The following SDK1 variants were observed in gnomAD, a reference collection of about 807,000 sequenced individuals.
SDK1 encodes protein sidekick-1.
SDK1 carries 157 observed loss-of-function variants against 245.5 expected under a neutral mutation model. The ratio of observed to expected loss-of-function variants is 0.64; its 90% confidence interval spans 0.56 to 0.73. SDK1 has a LOEUF of 0.73. Ranked by LOEUF, SDK1 falls within the 30% of genes least tolerant of loss-of-function variation. The probability of loss-of-function intolerance (pLI) is 0.00; values close to 1 mark genes in which losing one functional copy is unlikely to be tolerated. For missense variants in SDK1, 3,583 were observed against 3,002.3 expected, an observed-to-expected ratio of 1.19 and a Z score of -4.52; for synonymous variants, 1,647 against 1,278.5, an observed-to-expected ratio of 1.29 and a Z score of -6.15.
At chr7:4,035,802 G>T (rs1427759952) in intron 17 of SDK1, among the ~76,000 whole-genome samples, 1 of 152,114 alleles carries the variant, frequency 6.6e-6, no homozygotes, top group African/African-American at 2.4e-5. Flanking sequence ...AGCAAAGACG[G>T]TATGCTATCA....
intron 22 of SDK1, among the ~76,000 whole-genome samples, chr7:4,110,144 G>T (rs1783243869): frequency 6.6e-6 from 1 of 152,162 alleles, no homozygotes; most frequent in African/African-American, 2.4e-5. Context: ...CCTGCCTAAG[G>T]ACCTTCCTTA....
intron 1 of SDK1, among the ~76,000 whole-genome samples, chr7:3,555,062 C>T (rs1779545457): frequency 6.6e-6 from 1 of 152,102 alleles, no homozygotes; most frequent in Admixed American, 6.6e-5. Context: ...ATGAATTCTT[C>T]ACAGAAATAG....
At chr7:3,660,021 A>G (rs1336250851) in intron 4 of SDK1, among the ~76,000 whole-genome samples, 2 of 152,194 alleles carry the variant, frequency 1.3e-5, no homozygotes, top group Non-Finnish European at 2.9e-5. Context: ...GTATCTGGTG[A>G]CAACAATTAA....
At chr7:3,824,890 C>G (rs1051278690) in intron 5 of SDK1, among the ~76,000 whole-genome samples, 2 of 152,134 alleles carry the variant, frequency 1.3e-5, no homozygotes, top group Non-Finnish European at 1.5e-5. Flanking sequence ...CAACATTTCT[C>G]CCCTCTTGCG....
intron 4 of SDK1, among the ~76,000 whole-genome samples, chr7:3,692,464 TTA>T (rs1162650971): frequency 6.6e-6 from 1 of 152,176 alleles, no homozygotes; most frequent in Non-Finnish European, 1.5e-5. Flanking sequence ...AGAGGATTTC[TTA>T]TATTACATAT....
chr7:3,434,335 C>G (rs1209016293), intron 1 of SDK1, among the ~76,000 whole-genome samples: 1 of 152,102 alleles, frequency 6.6e-6, no homozygotes, highest in Non-Finnish European at 1.5e-5. Context: ...CCTTGTTCGC[C>G]TTGGTTTTGG....
intron 5 of SDK1, among the ~76,000 whole-genome samples, chr7:3,925,787 G>A: frequency 6.6e-6 from 1 of 152,190 alleles, no homozygotes; most frequent in Non-Finnish European, 1.5e-5. Context: ...GCTCCAGCCG[G>A]CTGAGAAGAC....
chr7:4,043,223 G>C (rs989741780), intron 17 of SDK1, among the ~76,000 whole-genome samples: 3 of 152,164 alleles, frequency 2.0e-5, no homozygotes, highest in African/African-American at 7.2e-5. Context: ...CAGGTAGAGT[G>C]AGTGTCACAG....
rs376052869 is a variant in SDK1, at chr7:4,268,471, A to G, written c.*3087A>G. On this transcript the variant is annotated 3_prime_UTR_variant, in exon 45 of 45. Transcript: ENST00000404826. ...GCTTTTATAAGGCGCACTTCACTCAATGCTGTAGCCAAAAAACGAGGGGCC... is the reference window on the plus strand; with the variant it reads ...GCTTTTATAAGGCGCACTTCACTCAGTGCTGTAGCCAAAAAACGAGGGGCC... The G allele has an allele frequency of 1.2e-4, 141 of 1,172,598 alleles. No individual in the cohort carries two copies. The East Asian group carries it at 5.4e-3, about 45-fold the overall frequency. 72.6% of individuals were successfully genotyped at this position (1,172,598 alleles called of 1,614,324 possible). A position where few individuals can be genotyped will look rare whatever the true frequency, so the allele number is the denominator to read the frequency against.
chr7:3,944,104 C>G (rs1780480522), intron 5 of SDK1, among the ~76,000 whole-genome samples: 1 of 152,210 alleles, frequency 6.6e-6, no homozygotes, highest in South Asian at 2.1e-4. Flanking sequence ...TTTTGCTTAA[C>G]AGAGCACAAC....
chr7:3,849,479 T>C (rs111394441), intron 5 of SDK1, among the ~76,000 whole-genome samples: 19 of 152,320 alleles, frequency 1.2e-4, no homozygotes, highest in Admixed American at 3.3e-4. Context: ...ATGGATTTAT[T>C]AGTCTTTAGG....
At chr7:3,398,198 C>T (rs1465215463) in intron 1 of SDK1, among the ~76,000 whole-genome samples, 2 of 151,978 alleles carry the variant, frequency 1.3e-5, no homozygotes, top group African/African-American at 4.8e-5. Context: ...TTGCTTTTTT[C>T]TCCTTTATTT....
intron 20 of SDK1, among the ~76,000 whole-genome samples, chr7:4,069,533 G>T (rs962748809): frequency 6.6e-6 from 1 of 152,212 alleles, no homozygotes; most frequent in Non-Finnish European, 1.5e-5. Context: ...TCTCCGCTCC[G>T]TGGTGGCAGC....
At chr7:4,244,878 A>T (rs137918198) in intron 43 of SDK1, among the ~76,000 whole-genome samples, 2 of 152,154 alleles carry the variant, frequency 1.3e-5, no homozygotes, top group Non-Finnish European at 2.9e-5. Flanking sequence ...GAGGCCGCTC[A>T]TGGTCCCCTG....
chr7:3,964,366 A>C (rs562839010), intron 9 of SDK1, among the ~76,000 whole-genome samples: 27 of 152,272 alleles, frequency 1.8e-4, no homozygotes, highest in African/African-American at 6.3e-4. Flanking sequence ...CTCTTTCTTG[A>C]GGAGAAGTAG....
chr7:3,536,390 A>G (rs1029414236), intron 1 of SDK1, among the ~76,000 whole-genome samples: 2 of 152,106 alleles, frequency 1.3e-5, no homozygotes, highest in Non-Finnish European at 2.9e-5. Context: ...TTTTTAAAAA[A>G]TCTATGCATG....
intron 17 of SDK1, among the ~76,000 whole-genome samples, chr7:4,041,011 G>T (rs1450197949): frequency 6.6e-6 from 1 of 152,198 alleles, no homozygotes; most frequent in African/African-American, 2.4e-5. Flanking sequence ...CTGTTAAAAG[G>T]GAAGCCTTGC....
chr7:4,088,397 A>T (rs542466408), intron 22 of SDK1, among the ~76,000 whole-genome samples: 4 of 152,320 alleles, frequency 2.6e-5, no homozygotes, highest in African/African-American at 9.6e-5. Context: ...TGGGACAATG[A>T]TAGAAGACAA....
intron 5 of SDK1, among the ~76,000 whole-genome samples, chr7:3,845,575 G>A (rs1351649367): frequency 6.6e-6 from 1 of 151,358 alleles, no homozygotes; most frequent in Non-Finnish European, 1.5e-5. Context: ...CGTTAGGCAG[G>A]CCAGCGAGAC....
Sources: allele counts gnomAD v4.1 joint callset (sites outside exome capture counted in the v4.1 genomes callset), GRCh38; gene constraint gnomAD v4.1.1; transcripts MANE v1.5; gene names NCBI Gene and HGNC (gene_info 2026-07-23, HGNC 2026-07-21).